NOMO1: variants seen among roughly 807,000 people sequenced by gnomAD.
NOMO1 encodes nodal modulator 3.
Under a neutral mutation model 133.8 loss-of-function variants are expected in NOMO1, and 40 were observed. That is an observed-to-expected ratio of 0.30 (90% CI 0.23 to 0.39). The LOEUF (loss-of-function observed/expected upper bound fraction) is 0.39, where lower values mean the gene tolerates loss of function less well. NOMO1 is among the 10% of genes least tolerant of loss of function. The pLI is 1.00. For synonymous variants in NOMO1, 236 were observed against 570.5 expected, an observed-to-expected ratio of 0.41 and a Z score of 8.36; for missense variants, 462 against 1,419.9, an observed-to-expected ratio of 0.33 and a Z score of 10.84.
intron 18 of NOMO1, among the ~76,000 whole-genome samples, chr16:14,874,093 C>G (rs1964118750): frequency 2.3e-5 from 1 of 43,844 alleles, no homozygotes; most frequent in South Asian, 9.4e-4. Context: ...ACGTGGCCCT[C>G]AGCCCTGGTC....
intron 4 of NOMO1, among the ~76,000 whole-genome samples, chr16:14,845,539 G>A (rs1019795371): frequency 2.6e-5 from 4 of 151,988 alleles, no homozygotes; most frequent in Non-Finnish European, 5.9e-5. Context: ...CCGCCACGGT[G>A]GTGTGAATTT....
At chr16:14,887,579 C>T (rs1156443359) in intron 28 of NOMO1, among the ~76,000 whole-genome samples, 1 of 151,788 alleles carries the variant, frequency 6.6e-6, no homozygotes, top group Non-Finnish European at 1.5e-5. Context: ...AGATTACAGG[C>T]GTGAGCCCCC....
chr16:14,846,480 G>C, intron 4 of NOMO1, 97 bp from the exon 5 acceptor site: 1 of 558,842 alleles, frequency 1.8e-6, no homozygotes. Context: ...CCCAAAGAGG[G>C]TTCCTGGGCT....
At chr16:14,866,417 G>A in intron 14 of NOMO1, 138 bp from the exon 15 acceptor site, 2 of 1,455,742 alleles carry the variant, frequency 1.4e-6, no homozygotes, top group East Asian at 2.4e-5. Context: ...ATATATGTAT[G>A]TGTATATTTC....
intron 1 of NOMO1, among the ~76,000 whole-genome samples, chr16:14,835,758 T>G (rs1451958021): frequency 6.6e-6 from 1 of 151,192 alleles, no homozygotes; most frequent in East Asian, 1.9e-4. Context: ...ATAATCATGA[T>G]ATTTCACGGT....
chr16:14,886,137 AACCCCAGAAATAAAGCC>A (rs1964320400), intron 27 of NOMO1, among the ~76,000 whole-genome samples: 1 of 152,000 alleles, frequency 6.6e-6, no homozygotes. Context: ...AACAGGCAAG[AACCCCAGAAATAAAGCC>A]AGAAACAAAG....
intron 9 of NOMO1, among the ~76,000 whole-genome samples, chr16:14,856,341 GCACAGA>G (rs895915869): frequency 1.1e-4 from 17 of 152,090 alleles, no homozygotes; most frequent in African/African-American, 2.2e-4. Context: ...GGCGAGTGGG[GCACAGA>G]CACAGACACA....
At chr16:14,886,915 G>A (rs1964333418) in intron 28 of NOMO1, 53 bp downstream of exon 28, 3 of 1,547,284 alleles carry the variant, frequency 1.9e-6, no homozygotes, top group Non-Finnish European at 2.7e-6. Flanking sequence ...TAATTCTGCT[G>A]TTTAGTTTAA....
At chr16:14,837,071 A>G in intron 1 of NOMO1, among the ~76,000 whole-genome samples, 1 of 151,556 alleles carries the variant, frequency 6.6e-6, no homozygotes, top group Non-Finnish European at 1.5e-5. Context: ...AGGCTGGAGT[A>G]TAGTGGCACC....
chr16:14,888,967 A>C, intron 28 of NOMO1, 129 bp from the exon 29 acceptor site: 2 of 1,393,500 alleles, frequency 1.4e-6, no homozygotes, highest in South Asian at 2.8e-5. Flanking sequence ...CTTGGTTTGG[A>C]TGTGTAGTCT....
chr16:14,877,707 G>A (rs1453300400), intron 22 of NOMO1, among the ~76,000 whole-genome samples: 23 of 150,058 alleles, frequency 1.5e-4, no homozygotes, highest in Non-Finnish European at 2.4e-4. Flanking sequence ...AGTTACAGTC[G>A]AAACACTGTT....
intron 3 of NOMO1, among the ~76,000 whole-genome samples, chr16:14,841,673 C>T (rs1382410323): frequency 6.6e-6 from 1 of 150,600 alleles, no homozygotes. Flanking sequence ...CAGTTTCACT[C>T]ATTACGTGGC....
At chr16:14,855,381 A>G (rs1206292601) in intron 9 of NOMO1, among the ~76,000 whole-genome samples, 2 of 151,456 alleles carry the variant, frequency 1.3e-5, no homozygotes, top group Non-Finnish European at 2.9e-5. Context: ...GGCTAGCTAG[A>G]ACAAATCCCA....
At chr16:14,884,304 C>T (rs1964288958) in intron 26 of NOMO1, 68 bp from the exon 27 acceptor site, 13 of 1,407,258 alleles carry the variant, frequency 9.2e-6, no homozygotes, top group African/African-American at 4.2e-5. Context: ...CTCAGGCCAT[C>T]GGACAGCTGG....
chr16:14,864,632 C>T lies in NOMO1; in HGVS notation c.1443C>T (p.Pro481=), dbSNP rs1250604357. ...CCAGAGCAGGGCTGACGTTGAAACCCCAGACATTTCCTCTTACTGTGACCA... is the reference window on the plus strand; with the variant it reads ...CCAGAGCAGGGCTGACGTTGAAACCTCAGACATTTCCTCTTACTGTGACCA... ...AETRAGLTLK[P]QTFPLTVTNR... is the part of the protein sequence containing the mutation. The change falls in exon 13 of 31, where the codon CCC becomes CCT. Residue 481 remains proline, a synonymous_variant. Coordinates refer to ENST00000287667, the MANE Select transcript of NOMO1 (RefSeq NM_014287.4). 1 of 1,613,190 alleles carries T rather than the reference C, an allele frequency of 6.2e-7. No individual in the cohort carries two copies.
Position 14,886,856 on chromosome 16 carries a change from C to A in NOMO1, c.3318C>A (p.Asp1106Glu), listed in dbSNP as rs200175622. ...TCCATTTCCCCCCACTGCTCAGAGA[C>A]GGCGAGGTAATGCCTGTGGCCGGAT... ...LFFHFPPLLR[D>E]GENYVVLLDS... is the part of the protein sequence containing the mutation. The change falls in exon 28 of 31, where the codon GAC (aspartate) becomes GAA (glutamate). Residue 1106 changes from aspartate (D) to glutamate (E), a missense_variant. Coordinates refer to ENST00000287667, the MANE Select transcript of NOMO1 (RefSeq NM_014287.4). The A allele has an allele frequency of 5.6e-6, 9 of 1,611,538 alleles. No individual in the cohort carries two copies. Among genetic ancestry groups the A allele is most frequent in the Non-Finnish European group, 7.6e-6 (9 of 1,179,708 alleles).
Position 14,886,871 on chromosome 16 carries a change from T to G in NOMO1, c.3324+9T>G. 6.2e-7 allele frequency: 1 copy of G among 1,611,802 alleles called. No homozygotes were observed. Among genetic ancestry groups the G allele is most frequent in the Non-Finnish European group, 8.5e-7 (1 of 1,179,780 alleles). Reference sequence around the variant, plus strand: ...TGCTCAGAGACGGCGAGGTAATGCCTGTGGCCGGATTCTACCTTCTGCCTT... The same window carrying G: ...TGCTCAGAGACGGCGAGGTAATGCCGGTGGCCGGATTCTACCTTCTGCCTT... On this transcript the variant is annotated intron_variant, in intron 28 of 30. Transcript: ENST00000287667.
chr16:14,840,373 G>A (rs1234821898), intron 2 of NOMO1, among the ~76,000 whole-genome samples: 1 of 73,326 alleles, frequency 1.4e-5, no homozygotes, highest in Non-Finnish European at 2.7e-5. Context: ...GATCGCCTGA[G>A]CTCAGGAGTG....
chr16:14,859,312 T>C (rs1012056268), intron 11 of NOMO1, among the ~76,000 whole-genome samples: 1 of 151,910 alleles, frequency 6.6e-6, no homozygotes, highest in African/African-American at 2.4e-5. Flanking sequence ...GAGGTCGAGG[T>C]CAAGGAGTCC....
Sources: allele counts gnomAD v4.1 joint callset (sites outside exome capture counted in the v4.1 genomes callset), GRCh38; gene constraint gnomAD v4.1.1; transcripts MANE v1.5; gene names NCBI Gene and HGNC (gene_info 2026-07-23, HGNC 2026-07-21).